The following CCDC152 variants were observed in gnomAD, a reference collection of about 807,000 sequenced individuals.
CCDC152 encodes the protein coiled-coil domain-containing protein 152.
CCDC152 carries 37 observed loss-of-function variants against 38.1 expected under a neutral mutation model. The observed-to-expected ratio is 0.97, with a 90% CI of 0.75 to 1.28. CCDC152 has a LOEUF of 1.28. CCDC152 is among the 50% of genes most tolerant of loss of function. CCDC152 has a pLI of 0.00. For synonymous variants in CCDC152, 83 were observed against 87.1 expected (o/e 0.95, Z 0.26); for missense variants, 259 against 292.1 (o/e 0.89, Z 0.83).
intron 4 of CCDC152, among the ~76,000 whole-genome samples, chr5:42,771,424 A>G (rs114627473): frequency 0.018 from 2,675 of 152,204 alleles, 30 homozygotes; most frequent in Non-Finnish European, 0.029. Flanking sequence ...AATGAAGATT[A>G]TAGGATAAAT....
chr5:42,801,163 G>A lies in CCDC152; in HGVS notation c.*1382G>A, dbSNP rs1760188279. 1 of 1,614,008 alleles carries A rather than the reference G, an allele frequency of 6.2e-7. No individual in the cohort carries two copies. The highest frequency in any genetic ancestry group is 8.5e-7 in the Non-Finnish European group (1 of 1,180,030). ...AGGCCTGGAGGAGCAGGATGAGTAG[G>A]AGCATTTGGTGCTCCTGGTTGCTGA... On this transcript the variant is annotated 3_prime_UTR_variant, in exon 9 of 9. Transcript: ENST00000361970.
Position 42,801,180 on chromosome 5 carries a change from G to A in CCDC152, c.*1399G>A, listed in dbSNP as rs1218696445. On this transcript the variant is annotated 3_prime_UTR_variant, in exon 9 of 9. Coordinates refer to ENST00000361970, the MANE Select transcript of CCDC152 (RefSeq NM_001134848.2). ...ATGAGTAGGAGCATTTGGTGCTCCT[G>A]GTTGCTGATTCTCTGAAAGCTCACT... is the stretch of plus-strand genomic sequence containing the variant. 1.2e-6 allele frequency: 2 copies of A among 1,613,994 alleles called. No individual in the cohort carries two copies. The highest frequency in any genetic ancestry group is 1.1e-5 in the South Asian group (1 of 91,074).
chr5:42,779,482 GT>G lies in CCDC152; in HGVS notation c.288del (p.Ser96ArgfsTer5). ...GGTGAAAATGAACAACTAAAAATAA[GT>G]GCTGATCTTATAAAAGAGAAGTTAA... is the stretch of plus-strand genomic sequence containing the variant. Reference protein sequence around the residue: ...LKGENEQLKISADLIKEKLKS... With the variant: ...LKGENEQLKIXADLIKEKLKS... On this transcript the variant is annotated frameshift_variant, in exon 5 of 9. Transcript: ENST00000361970. LOFTEE classifies it high-confidence loss of function. 1 of 1,517,756 alleles carries G rather than the reference GT, an allele frequency of 6.6e-7. No individual in the cohort carries two copies. Among genetic ancestry groups the G allele is most frequent in the South Asian group, 1.2e-5 (1 of 83,238 alleles). The allele number at this position is 1,517,756 out of a possible 1,614,324, so 94.0% of individuals were successfully genotyped here.
intron 6 of CCDC152, among the ~76,000 whole-genome samples, chr5:42,789,637 T>A (rs1379239566): frequency 1.3e-5 from 2 of 152,158 alleles, no homozygotes; most frequent in Non-Finnish European, 2.9e-5. Context: ...AAATTAAAAT[T>A]AGTATTAAAT....
intron 6 of CCDC152, among the ~76,000 whole-genome samples, chr5:42,793,917 G>T (rs143114882): frequency 1.3e-5 from 2 of 152,110 alleles, no homozygotes; most frequent in Non-Finnish European, 2.9e-5. Flanking sequence ...CTGGACTTGG[G>T]GAATTTTTAT....
At chr5:42,790,662 GA>G (rs1243872638) in intron 6 of CCDC152, among the ~76,000 whole-genome samples, 1 of 152,166 alleles carries the variant, frequency 6.6e-6, no homozygotes, top group Non-Finnish European at 1.5e-5. Context: ...CTGTGAAGAA[GA>G]GAAGAAAAGA....
At position 42,800,071 on chromosome 5, in the gene CCDC152, T is replaced by A. The variant is rs2111613048; in HGVS notation, c.*290T>A. On this transcript the variant is annotated 3_prime_UTR_variant, in exon 9 of 9. Coordinates refer to ENST00000361970, the MANE Select transcript of CCDC152 (RefSeq NM_001134848.2). Reference sequence around the variant, plus strand: ...GAGACAGACAATATTATCTTTCCCCTTATATCTTTTAAGACAGCCACTCAA... The same window carrying A: ...GAGACAGACAATATTATCTTTCCCCATATATCTTTTAAGACAGCCACTCAA... 3.7e-6 allele frequency: 1 copy of A among 268,326 alleles called. No individual in the cohort carries two copies. Among genetic ancestry groups the A allele is most frequent in the South Asian group, 7.2e-5 (1 of 13,866 alleles). The allele number at this position is 268,326 out of a possible 1,614,324, so 16.6% of individuals were successfully genotyped here. A position where few individuals can be genotyped will look rare whatever the true frequency, so the allele number is the denominator to read the frequency against.
intron 3 of CCDC152, among the ~76,000 whole-genome samples, chr5:42,768,490 A>G (rs1037826724): frequency 3.3e-5 from 5 of 152,218 alleles, no homozygotes; most frequent in Non-Finnish European, 7.3e-5. Context: ...GGCTACCAAT[A>G]TTATAGTCAA....
chr5:42,763,997 A>T (rs547375563), intron 3 of CCDC152, among the ~76,000 whole-genome samples: 93 of 152,342 alleles, frequency 6.1e-4, no homozygotes, highest in Non-Finnish European at 6.9e-4. Flanking sequence ...ACAGAAAAAA[A>T]TTGAGTGAAA....
chr5:42,761,719 A>G (rs184980231), intron 2 of CCDC152, among the ~76,000 whole-genome samples: 16 of 152,342 alleles, frequency 1.1e-4, no homozygotes, highest in African/African-American at 3.4e-4. Context: ...AACAGAATAT[A>G]ATATGATTTC....
chr5:42,770,873 G>A (rs1288537497), intron 4 of CCDC152, among the ~76,000 whole-genome samples: 1 of 151,948 alleles, frequency 6.6e-6, no homozygotes, highest in Non-Finnish European at 1.5e-5. Flanking sequence ...TAATTCTTAA[G>A]TATTTTTATT....
chr5:42,796,606 T>C (rs1021176431), intron 6 of CCDC152, among the ~76,000 whole-genome samples: 1 of 152,208 alleles, frequency 6.6e-6, no homozygotes, highest in Non-Finnish European at 1.5e-5. Flanking sequence ...TAAATTACCT[T>C]ATTCATTCAA....
intron 6 of CCDC152, among the ~76,000 whole-genome samples, chr5:42,794,555 C>T (rs879902946): frequency 6.6e-6 from 1 of 152,186 alleles, no homozygotes; most frequent in Non-Finnish European, 1.5e-5. Context: ...AGCCAGAAGG[C>T]CAGCAACACC....
chr5:42,761,770 T>C (rs914043592), intron 2 of CCDC152, among the ~76,000 whole-genome samples: 21 of 152,312 alleles, frequency 1.4e-4, no homozygotes, highest in African/African-American at 4.8e-4. Context: ...TGGAAACATA[T>C]ATAAGGAATT....
rs767367145 is a variant in CCDC152, at chr5:42,801,170, T to G, written c.*1389T>G. 3 of 1,614,102 alleles carry G rather than the reference T, an allele frequency of 1.9e-6. No homozygotes were observed. Among genetic ancestry groups the G allele is most frequent in the Non-Finnish European group, 1.7e-6 (2 of 1,180,008 alleles). On this transcript the variant is annotated 3_prime_UTR_variant, in exon 9 of 9. Transcript: ENST00000361970. ...GAGGAGCAGGATGAGTAGGAGCATT[T>G]GGTGCTCCTGGTTGCTGATTCTCTG...
In CCDC152 at chr5:42,788,582, T is replaced by C. The variant is rs541060584; in HGVS notation, c.430+5006T>C. 1.9e-4 allele frequency among the ~76,000 whole-genome samples: 29 copies of C among 152,252 alleles called. 1 individual carries two copies. The highest frequency in any genetic ancestry group is 4.1e-4 in the South Asian group (2 of 4,830). On this transcript the variant is annotated intron_variant, in intron 6 of 8. Transcript: ENST00000361970. ...GTCCTTCATCTGTATGTCTCTGGGA[T>C]AGTAACTGTCCAAATATTTTTGCCA...
chr5:42,789,924 A>C lies in CCDC152; in HGVS notation c.430+6348A>C, dbSNP rs930873421. 7.9e-5 allele frequency among the ~76,000 whole-genome samples: 12 copies of C among 152,254 alleles called. 1 individual carries two copies. The highest frequency in any genetic ancestry group is 5.9e-4 in the Admixed American group (9 of 15,288). On this transcript the variant is annotated intron_variant, in intron 6 of 8. Transcript: ENST00000361970. Reference sequence around the variant, plus strand: ...TCTTTGTGATCTTGAGTTAGGCACAACTTCTTGGAAAGCAACAAAAAGCAC... The same window carrying C: ...TCTTTGTGATCTTGAGTTAGGCACACCTTCTTGGAAAGCAACAAAAAGCAC...
chr5:42,801,279 T>G lies in CCDC152; in HGVS notation c.*1498T>G. 6.2e-7 allele frequency: 1 copy of G among 1,613,974 alleles called. No individual in the cohort carries two copies. The highest frequency in any genetic ancestry group is 8.5e-7 in the Non-Finnish European group (1 of 1,179,962). On this transcript the variant is annotated 3_prime_UTR_variant, in exon 9 of 9. Transcript: ENST00000361970. Reference sequence around the variant, plus strand: ...ATGAGGCGATGGAGTTTCAACTGTTTTATCCACAGTAGCCAAAGATACACG... The same window carrying G: ...ATGAGGCGATGGAGTTTCAACTGTTGTATCCACAGTAGCCAAAGATACACG...
intron 5 of CCDC152, among the ~76,000 whole-genome samples, chr5:42,782,722 T>C (rs953802693): frequency 1.3e-5 from 2 of 152,094 alleles, no homozygotes; most frequent in African/African-American, 2.4e-5. Context: ...CAAATGGATA[T>C]ACCTCACATA....
Sources: allele counts gnomAD v4.1 joint callset (sites outside exome capture counted in the v4.1 genomes callset), GRCh38; gene constraint gnomAD v4.1.1; transcripts MANE v1.5; gene names NCBI Gene and HGNC (gene_info 2026-07-23, HGNC 2026-07-21).